DRD2: variants seen among roughly 807,000 people sequenced by gnomAD.
DRD2 encodes dopamine receptor D2, also known as D(2) dopamine receptor.
A neutral mutation model predicts 38.0 loss-of-function variants in DRD2; 8 were observed. The ratio of observed to expected loss-of-function variants is 0.21; its 90% CI spans 0.12 to 0.38. The LOEUF is 0.38. DRD2 is among the 10% of genes least tolerant of loss of function. The pLI is 1.00. For missense variants in DRD2, 403 were observed against 607.7 expected, an observed-to-expected ratio of 0.66 and a Z score of 3.54; for synonymous variants, 230 against 238.6, an observed-to-expected ratio of 0.96 and a Z score of 0.33.
intron 2 of DRD2, among the ~76,000 whole-genome samples, chr11:113,423,693 C>A (rs1324451156): frequency 2.0e-5 from 3 of 152,252 alleles, no homozygotes; most frequent in South Asian, 2.1e-4. Context: ...GCCTACTCCC[C>A]ATTTTGAGGT....
chr11:113,474,494 G>A (rs1363543709), intron 1 of DRD2: 1 of 152,288 alleles, frequency 6.6e-6, no homozygotes, highest in Non-Finnish European at 1.5e-5. Context: ...GAAGGAGAAC[G>A]AAAGTTCAGG....
intron 1 of DRD2, among the ~76,000 whole-genome samples, chr11:113,474,075 GA>G (rs1227352668): frequency 1.3e-5 from 2 of 151,922 alleles, no homozygotes; most frequent in East Asian, 1.9e-4. Context: ...AAGAGCCACC[GA>G]AAAAAAAGTA....
chr11:113,440,665 A>C (rs1951081213), intron 1 of DRD2, among the ~76,000 whole-genome samples: 1 of 152,244 alleles, frequency 6.6e-6, no homozygotes, highest in African/African-American at 2.4e-5. Flanking sequence ...GATGGGATGC[A>C]ACCAGGGACC....
At chr11:113,471,821 A>T (rs1246699576) in intron 1 of DRD2, among the ~76,000 whole-genome samples, 1 of 152,234 alleles carries the variant, frequency 6.6e-6, no homozygotes, top group Admixed American at 6.5e-5. Flanking sequence ...GCCCAAGAAG[A>T]TAACCTAAGA....
intron 1 of DRD2, among the ~76,000 whole-genome samples, chr11:113,441,718 C>T (rs749742570): frequency 2.6e-5 from 4 of 152,166 alleles, no homozygotes; most frequent in Non-Finnish European, 5.9e-5. Flanking sequence ...ACCTTGGTGG[C>T]TCACGCCTGT....
intron 7 of DRD2, 96 bp from the exon 8 acceptor site, chr11:113,411,016 G>A (rs572901722): frequency 4.4e-4 from 595 of 1,363,046 alleles, no homozygotes; most frequent in East Asian, 6.0e-4. Flanking sequence ...ATGCCAAGAC[G>A]GTGGGCTGTA....
At chr11:113,416,446 C>CTAA (rs1950827754) in intron 4 of DRD2, among the ~76,000 whole-genome samples, 1 of 152,224 alleles carries the variant, frequency 6.6e-6, no homozygotes, top group Admixed American at 6.5e-5. Context: ...TTAGCAGGCC[C>CTAA]TGAGGGCTGC....
intron 1 of DRD2, among the ~76,000 whole-genome samples, chr11:113,435,256 C>T (rs1455803572): frequency 1.3e-5 from 2 of 150,384 alleles, no homozygotes; most frequent in Admixed American, 6.6e-5. Context: ...ATTTTGATGG[C>T]TCCGTAAAAA....
rs1331659741 is a variant in DRD2 at position 113,424,681 on chromosome 11, C to G, written c.-30G>C. ...GCGGTGGAGCCACTGGGTGGCCAGG[C>G]TCTGGCCAGGAAAAATGGACACAAG... On this transcript the variant is annotated splice_region_variant and 5_prime_UTR_variant, in exon 2 of 8. Coordinates refer to ENST00000362072, the MANE Select transcript of DRD2 (RefSeq NM_000795.4). 1.1e-5 allele frequency: 18 copies of G among 1,613,442 alleles called. No homozygotes were observed. Among genetic ancestry groups the G allele is most frequent in the Non-Finnish European group, 1.4e-5 (16 of 1,180,006 alleles).
intron 1 of DRD2, among the ~76,000 whole-genome samples, chr11:113,435,316 A>G: frequency 1.5e-5 from 1 of 67,758 alleles, no homozygotes; most frequent in Admixed American, 1.8e-4. Flanking sequence ...ACTGTTAGCT[A>G]GAGTGACTCA....
At chr11:113,426,603 G>A (rs1319320036) in intron 1 of DRD2, among the ~76,000 whole-genome samples, 1 of 152,084 alleles carries the variant, frequency 6.6e-6, no homozygotes, top group African/African-American at 2.4e-5. Flanking sequence ...AGAGAGGATG[G>A]TGGAAGAGGG....
intron 1 of DRD2, among the ~76,000 whole-genome samples, chr11:113,452,785 T>C (rs1389446269): frequency 6.6e-6 from 1 of 151,900 alleles, no homozygotes; most frequent in Non-Finnish European, 1.5e-5. Flanking sequence ...GTAGCTGGGA[T>C]CACAGGTTTC....
intron 1 of DRD2, among the ~76,000 whole-genome samples, chr11:113,452,435 CGTGTGTGTGTGTGTGT>C (rs759448996): frequency 1.5e-5 from 2 of 130,328 alleles, no homozygotes; most frequent in African/African-American, 3.0e-5. Flanking sequence ...GGTGTGCATG[CGTGTGTGTGTGTGTGT>C]GTGTGTGTGT....
At chr11:113,474,182 T>G (rs1951455067) in intron 1 of DRD2, 1 of 152,324 alleles carries the variant, frequency 6.6e-6, no homozygotes, top group Non-Finnish European at 1.5e-5. Flanking sequence ...TGCTGTGACT[T>G]GTGTCCATGG....
In DRD2 at chr11:113,410,940, C is replaced by A; in HGVS notation, c.1139-20G>T. 1.3e-6 allele frequency: 2 copies of A among 1,598,878 alleles called. No homozygotes were observed. Among genetic ancestry groups the A allele is most frequent in the South Asian group, 2.2e-5 (2 of 89,044 alleles). Reference sequence around the variant, plus strand: ...ACACGCCTGGGGGAGAGGGCATGGTCAGGCTGGTCCCCAGAGCCGGGGAGG... The same window carrying A: ...ACACGCCTGGGGGAGAGGGCATGGTAAGGCTGGTCCCCAGAGCCGGGGAGG... On this transcript the variant is annotated intron_variant, in intron 7 of 7. Coordinates refer to ENST00000362072, the MANE Select transcript of DRD2 (RefSeq NM_000795.4).
chr11:113,417,165 C>G (rs973798650), intron 3 of DRD2, among the ~76,000 whole-genome samples, 166 bp from the exon 4 acceptor site: 2 of 152,226 alleles, frequency 1.3e-5, no homozygotes, highest in African/African-American at 4.8e-5. Flanking sequence ...TCCCCAAACT[C>G]AGATGGCGAG....
At position 113,410,735 on chromosome 11, in the gene DRD2, G is replaced by A. The variant is rs201801648; in HGVS notation, c.1324C>T (p.His442Tyr). ...EFRKAFLKILHC is the reference protein window; with the variant it reads ...EFRKAFLKILYC ...GCGGGCAGGCAGCAGAGTCAGCAGT[G>A]GAGGATCTTCAGGAAGGCCTTGCGG... The change falls in exon 8 of 8, where the codon CAC (histidine) becomes TAC (tyrosine). Residue 442 changes from histidine (H) to tyrosine (Y), a missense_variant. Around this residue, in one of 4 missense-constraint regions of DRD2, gnomAD observed 67 missense variants for 136.1 expected, o/e 0.49. Coordinates refer to ENST00000362072, the MANE Select transcript of DRD2 (RefSeq NM_000795.4). 85 of 1,614,098 alleles carry A rather than the reference G, an allele frequency of 5.3e-5. No individual in the cohort carries two copies. Among genetic ancestry groups the A allele is most frequent in the Non-Finnish European group, 7.6e-6 (9 of 1,180,024 alleles).
At chr11:113,457,126 G>A (rs545419534) in intron 1 of DRD2, among the ~76,000 whole-genome samples, 11 of 152,262 alleles carry the variant, frequency 7.2e-5, no homozygotes, top group South Asian at 2.1e-4. Flanking sequence ...ATGACAGTAC[G>A]TAGGTAGCGG....
chr11:113,418,726 C>G (rs1950852306), intron 2 of DRD2, among the ~76,000 whole-genome samples: 1 of 152,152 alleles, frequency 6.6e-6, no homozygotes, highest in Non-Finnish European at 1.5e-5. Flanking sequence ...ACCAGAGAGA[C>G]AACTAGAGAT....
Sources: gnomAD v4.1 joint callset for allele counts (sites outside exome capture counted in the v4.1 genomes callset) on GRCh38, gnomAD v4.1.1 for gene constraint, gnomAD v4.1.1 regional missense constraint, MANE v1.5 for transcripts, NCBI Gene and HGNC (gene_info 2026-07-23, HGNC 2026-07-21) for gene names.